The following AEBP2 variants were observed in gnomAD, a reference collection of about 807,000 sequenced individuals.
The protein encoded by AEBP2 is zinc finger protein AEBP2.
In AEBP2, 10 loss-of-function variants were observed where a neutral mutation model predicts 50.8. That is an observed-to-expected ratio of 0.20 (90% CI 0.12 to 0.33). The LOEUF (loss-of-function observed/expected upper bound fraction) is 0.33. Among genes scored for constraint, AEBP2 ranks in the 10% least tolerant of loss-of-function variants. The pLI, the probability that AEBP2 is intolerant of heterozygous loss-of-function variation, is 1.00. For missense variants in AEBP2, 570 were observed against 688.0 expected (o/e 0.83, Z 1.92); for synonymous variants, 296 against 261.3 (o/e 1.13, Z -1.28).
At chr12:19,488,527 C>T (rs1221479357) in intron 3 of AEBP2, among the ~76,000 whole-genome samples, 1 of 151,954 alleles carries the variant, frequency 6.6e-6, no homozygotes, top group Non-Finnish European at 1.5e-5. Flanking sequence ...GTGTATTTGT[C>T]GAAACCAAGA....
intron 1 of AEBP2, among the ~76,000 whole-genome samples, chr12:19,447,489 A>G (rs12227414): frequency 0.022 from 3,421 of 152,260 alleles, 48 homozygotes; most frequent in East Asian, 0.042. Flanking sequence ...TTTCTTGAGG[A>G]TTTAATTTGA....
chr12:19,511,995 A>G (rs557239074), intron 5 of AEBP2, among the ~76,000 whole-genome samples: 1 of 152,220 alleles, frequency 6.6e-6, no homozygotes, highest in African/African-American at 2.4e-5. Flanking sequence ...TATCTCTTCC[A>G]GGGTATGAAC....
At chr12:19,505,624 G>A (rs1186425496) in intron 5 of AEBP2, among the ~76,000 whole-genome samples, 1 of 152,224 alleles carries the variant, frequency 6.6e-6, no homozygotes. Flanking sequence ...CAGCGTAGCT[G>A]GAGGGAACAA....
Position 19,521,911 on chromosome 12 carries a change from G to A in AEBP2, c.*3794G>A, listed in dbSNP as rs1949404407. 1 of 151,868 alleles carries A rather than the reference G, an allele frequency of 6.6e-6. No individual in the cohort carries two copies. Among genetic ancestry groups the A allele is most frequent in the Admixed American group, 6.6e-5 (1 of 15,234 alleles). The allele number at this position is 151,868 out of a possible 1,614,324, so 9.4% of individuals were successfully genotyped here. On this transcript the variant is annotated 3_prime_UTR_variant, in exon 8 of 8. Transcript: ENST00000266508. Reference sequence around the variant, plus strand: ...TCTCTTTAATCACAACTTAAAAAAAGAAACCTTTAATACCTCTGCATAAGT... The same window carrying A: ...TCTCTTTAATCACAACTTAAAAAAAAAAACCTTTAATACCTCTGCATAAGT...
chr12:19,436,734 G>A (rs1420189768), upstream of AEBP2, among the ~76,000 whole-genome samples: 1 of 151,678 alleles, frequency 6.6e-6, no homozygotes, highest in Non-Finnish European at 1.5e-5. Flanking sequence ...GGGACTACAG[G>A]TGCACACCAC....
chr12:19,439,535 G>T lies in AEBP2; in HGVS notation c.-165G>T, dbSNP rs1170322808. ...CGTAGTCGCGCGCCTGTCCCCGCGC[G>T]GGCTCCGTAGCGCGTGTGCAGGCTG... On this transcript the variant is annotated 5_prime_UTR_variant, in exon 1 of 8. Transcript: ENST00000266508. 2.2e-6 allele frequency: 2 copies of T among 896,986 alleles called. No individual in the cohort carries two copies. Among genetic ancestry groups the T allele is most frequent in the Non-Finnish European group, 3.2e-6 (2 of 629,646 alleles). 55.6% of individuals were successfully genotyped at this position (896,986 alleles called of 1,614,324 possible). A position where few individuals can be genotyped will look rare whatever the true frequency, so the allele number is the denominator to read the frequency against.
chr12:19,481,125 G>A (rs1176201074), intron 3 of AEBP2, among the ~76,000 whole-genome samples: 10 of 96,730 alleles, frequency 1.0e-4, no homozygotes, highest in Admixed American at 8.0e-4. Flanking sequence ...TTTTGAGACC[G>A]AGTCTCACTC....
At chr12:19,516,670 A>G (rs1454571852) in intron 7 of AEBP2, among the ~76,000 whole-genome samples, 6 of 152,278 alleles carry the variant, frequency 3.9e-5, no homozygotes, top group Admixed American at 2.0e-4. Context: ...ATTCTTGGAA[A>G]TGAGGTTGTT....
chr12:19,419,223 C>CA (rs1046109430), intron 1 of AEBP2: 26 of 152,958 alleles, frequency 1.7e-4, no homozygotes, highest in African/African-American at 5.8e-4. Flanking sequence ...TCCTGAGCAG[C>CA]ACCCGGAGCC....
intron 3 of AEBP2, among the ~76,000 whole-genome samples, chr12:19,487,136 G>A (rs1187161707): frequency 6.6e-6 from 1 of 152,044 alleles, no homozygotes; most frequent in Non-Finnish European, 1.5e-5. Flanking sequence ...TTTTATTATT[G>A]AGTTAATAGA....
intron 3 of AEBP2, among the ~76,000 whole-genome samples, chr12:19,475,460 GTGTGTATATATA>G (rs1808594659): frequency 6.6e-6 from 1 of 150,418 alleles, no homozygotes; most frequent in South Asian, 2.1e-4. Flanking sequence ...GTGTGTATGT[GTGTGTATATATA>G]TATATACTGC....
chr12:19,480,735 G>T (rs1022842672), intron 3 of AEBP2, among the ~76,000 whole-genome samples: 8 of 152,116 alleles, frequency 5.3e-5, no homozygotes, highest in Non-Finnish European at 1.5e-5. Flanking sequence ...CCTGCATCTT[G>T]ACTTTAGATA....
chr12:19,492,088 C>G (rs11044607), intron 3 of AEBP2, among the ~76,000 whole-genome samples: 1 of 151,882 alleles, frequency 6.6e-6, no homozygotes, highest in Non-Finnish European at 1.5e-5. Context: ...CAAGATGAAC[C>G]GCCTGGGGAT....
chr12:19,463,734 C>T lies in AEBP2; in HGVS notation c.879+1017C>T, dbSNP rs562049863. Among the ~76,000 whole-genome samples the T allele has an allele frequency of 7.2e-5, 9 of 125,840 alleles. No individual in the cohort carries two copies. In the East Asian group the frequency reaches 1.5e-3, roughly 21 times the overall value. 82.6% of individuals were successfully genotyped at this position (125,840 alleles called of 152,430 possible). On this transcript the variant is annotated intron_variant, in intron 2 of 7. Coordinates refer to ENST00000266508, the MANE Select transcript of AEBP2 (RefSeq NM_153207.5). Reference sequence around the variant, plus strand: ...TGTTGCCCAGGCTGGAGTGCAGTGGCGTGATCTCAGCTCACCGCAGCCTCT... The same window carrying T: ...TGTTGCCCAGGCTGGAGTGCAGTGGTGTGATCTCAGCTCACCGCAGCCTCT...
At chr12:19,475,489 T>C (rs1472872784) in intron 3 of AEBP2, among the ~76,000 whole-genome samples, 1 of 151,814 alleles carries the variant, frequency 6.6e-6, no homozygotes, top group East Asian at 1.9e-4. Flanking sequence ...CTGCATTTTC[T>C]TTATCCACTT....
chr12:19,437,366 T>G (rs907041293), upstream of AEBP2, among the ~76,000 whole-genome samples: 4 of 152,220 alleles, frequency 2.6e-5, no homozygotes, highest in African/African-American at 7.2e-5. Context: ...CTTGTTAACC[T>G]GTCTTTTGTT....
chr12:19,456,217 C>G (rs1948267477), intron 1 of AEBP2: 1 of 1,436,242 alleles, frequency 7.0e-7, no homozygotes, highest in African/African-American at 1.4e-5. Flanking sequence ...CTGATTAAGA[C>G]CGGGGTGGCA....
At chr12:19,408,217 A>G (rs900235671) in intron 1 of AEBP2, among the ~76,000 whole-genome samples, 1 of 152,178 alleles carries the variant, frequency 6.6e-6, no homozygotes, top group Non-Finnish European at 1.5e-5. Flanking sequence ...TTAGAATATT[A>G]GTTGTTTTGG....
intron 1 of AEBP2, among the ~76,000 whole-genome samples, chr12:19,425,498 G>A (rs553182585): frequency 2.1e-4 from 32 of 152,016 alleles, no homozygotes; most frequent in Non-Finnish European, 4.0e-4. Flanking sequence ...CAGGTCTGGC[G>A]GCTCATGCTG....
Sources: gnomAD v4.1 joint callset for allele counts (sites outside exome capture counted in the v4.1 genomes callset) on GRCh38, gnomAD v4.1.1 for gene constraint, MANE v1.5 for transcripts, NCBI Gene and HGNC (gene_info 2026-07-23, HGNC 2026-07-21) for gene names.